ASPM: variants seen among roughly 807,000 people sequenced by gnomAD.
ASPM encodes assembly factor for spindle microtubules.
In ASPM, 256 loss-of-function variants were observed where a neutral mutation model predicts 366.4. The observed-to-expected ratio is 0.70, with a 90% CI of 0.63 to 0.77. The LOEUF is 0.77. Ranked by LOEUF, ASPM falls within the 30% of genes least tolerant of loss-of-function variation. The pLI is 0.00. For synonymous variants in ASPM, 1,414 were observed against 1,342.9 expected, an observed-to-expected ratio of 1.05 and a Z score of -1.16; for missense variants, 4,146 against 4,090.4, an observed-to-expected ratio of 1.01 and a Z score of -0.37.
At chr1:197,135,984 C>A (rs1401641562) in intron 4 of ASPM, among the ~76,000 whole-genome samples, 2 of 152,118 alleles carry the variant, frequency 1.3e-5, no homozygotes, top group Non-Finnish European at 2.9e-5. Context: ...ATGTGAGAAT[C>A]TTGAAAGCTC....
At chr1:197,127,349 G>GT in intron 10 of ASPM, among the ~76,000 whole-genome samples, 1 of 152,214 alleles carries the variant, frequency 6.6e-6, no homozygotes, top group African/African-American at 2.4e-5. Context: ...TAAAGAGTTT[G>GT]TTAAGTTTTA....
At chr1:197,088,161 T>C in intron 26 of ASPM, 95 bp downstream of exon 26, 1 of 1,378,262 alleles carries the variant, frequency 7.3e-7, no homozygotes, top group Non-Finnish European at 1.0e-6. Flanking sequence ...AAAACCCTAT[T>C]TTAGAGTGAT....
Position 197,146,206 on chromosome 1 carries a change from T to C in ASPM, c.232A>G (p.Lys78Glu). The C allele has an allele frequency of 6.2e-7, 1 of 1,613,110 alleles. No homozygotes were observed. The highest frequency in any genetic ancestry group is 8.5e-7 in the Non-Finnish European group (1 of 1,179,680). Residue 78 changes from lysine to glutamate, a missense_variant, in exon 1 of 28, where the codon AAG (lysine) becomes GAG (glutamate). Lys to Glu is a moderately conservative substitution (Grantham distance 56, BLOSUM62 1). This residue lies in a region of ASPM where 512 missense variants were observed against 471.7 expected (regional missense o/e 1.09). Coordinates refer to ENST00000367409, the MANE Select transcript of ASPM (RefSeq NM_018136.5). Reference protein sequence around the residue: ...DNPNEEVAEVKISHFPAADLG... With the variant: ...DNPNEEVAEVEISHFPAADLG... ...TCCGCGGCCGGGAAGTGGGAGATCT[T>C]CACTTCTGCCACCTCCTCGTTAGGG...
chr1:197,095,203 T>C (rs567562001), intron 19 of ASPM, among the ~76,000 whole-genome samples: 1 of 151,888 alleles, frequency 6.6e-6, no homozygotes, highest in South Asian at 2.1e-4. Context: ...CTTCTCACTG[T>C]ATTTTTGTAC....
intron 27 of ASPM, among the ~76,000 whole-genome samples, chr1:197,085,130 CAAACT>C (rs1656547562): frequency 1.3e-5 from 2 of 152,244 alleles, no homozygotes; most frequent in African/African-American, 4.8e-5. Context: ...TCTCTCCTAC[CAAACT>C]AGTCTGAAGA....
At chr1:197,114,503 G>T (rs1005361154) in intron 17 of ASPM, among the ~76,000 whole-genome samples, 9 of 152,140 alleles carry the variant, frequency 5.9e-5, no homozygotes, top group African/African-American at 2.2e-4. Context: ...TTTTAAAATT[G>T]GGGTCAATCC....
chr1:197,103,639 A>C lies in ASPM; in HGVS notation c.5612T>G (p.Phe1871Cys). 4 of 1,612,876 alleles carry C rather than the reference A, an allele frequency of 2.5e-6. 1 individual carries two copies. The South Asian group carries it at 4.4e-5, about 18-fold the overall frequency. Residue 1871 changes from phenylalanine to cysteine, a missense_variant, in exon 18 of 28, where the codon TTT becomes TGT. Phe to Cys is a radical substitution (Grantham distance 205). Transcript: ENST00000367409. ...YKTLHDTRTHFLKTKAAVISL... is the reference protein window; with the variant it reads ...YKTLHDTRTHCLKTKAAVISL... Reference sequence around the variant, plus strand: ...AATCACAGCTGCCTTTGTCTTCAAAAAATGTGTTCTTGTATCATGAAGAGT... The same window carrying C: ...AATCACAGCTGCCTTTGTCTTCAAACAATGTGTTCTTGTATCATGAAGAGT...
chr1:197,143,859 T>G (rs573543887), intron 2 of ASPM, 49 bp from the exon 3 acceptor site: 2 of 1,576,632 alleles, frequency 1.3e-6, no homozygotes, highest in Non-Finnish European at 1.7e-6. Context: ...CTATTGAATA[T>G]TAAATAAGCA....
At chr1:197,107,496 A>G (rs909641183) in intron 17 of ASPM, among the ~76,000 whole-genome samples, 2 of 152,154 alleles carry the variant, frequency 1.3e-5, no homozygotes, top group Non-Finnish European at 2.9e-5. Context: ...TGATAACATA[A>G]CATTAAATTT....
Position 197,143,947 on chromosome 1 carries a change from A to C in ASPM, c.441+10T>G, listed in dbSNP as rs587783242. Reference sequence around the variant, plus strand: ...TCTTAGAGTAAATCACAGAATGGTTAAAACATTACCTTTTTCTTTTTCTGC... The same window carrying C: ...TCTTAGAGTAAATCACAGAATGGTTCAAACATTACCTTTTTCTTTTTCTGC... On this transcript the variant is annotated intron_variant, in intron 2 of 27. Coordinates refer to ENST00000367409, the MANE Select transcript of ASPM (RefSeq NM_018136.5). 121 of 1,600,426 alleles carry C rather than the reference A, an allele frequency of 7.6e-5. No homozygotes were observed. Among genetic ancestry groups the C allele is most frequent in the Non-Finnish European group, 9.8e-5 (114 of 1,168,380 alleles).
chr1:197,145,868 A>ATATATATAT (rs1334452029), intron 1 of ASPM, among the ~76,000 whole-genome samples: 1 of 143,232 alleles, frequency 7.0e-6, no homozygotes, highest in East Asian at 2.1e-4. Flanking sequence ...ATATATATAT[A>ATATATATAT]ATATTGACAC....
chr1:197,132,754 G>GATAAATATATATATATATTTATATAT (rs1346012370), intron 6 of ASPM, among the ~76,000 whole-genome samples: 4 of 148,804 alleles, frequency 2.7e-5, no homozygotes, highest in African/African-American at 9.8e-5. Context: ...AAATATATAT[G>GATAAATATATATATATATTTATATAT]ATAAATATAT....
chr1:197,140,513 C>T (rs889184290), intron 3 of ASPM, among the ~76,000 whole-genome samples: 35 of 152,136 alleles, frequency 2.3e-4, no homozygotes, highest in African/African-American at 7.5e-4. Context: ...ACTATTATTA[C>T]CACAATGTAT....
intron 18 of ASPM, 145 bp from the exon 19 acceptor site, chr1:197,096,309 TG>T (rs752730209): frequency 2.8e-6 from 2 of 713,006 alleles, no homozygotes. Flanking sequence ...TTTTAGACTT[TG>T]ACATGTAATG....
chr1:197,104,370 T>C lies in ASPM; in HGVS notation c.4881A>G (p.Ala1627=), dbSNP rs1272479268. The change falls in exon 18 of 28, where the codon GCA becomes GCG. Residue 1627 remains alanine, a synonymous_variant. Transcript: ENST00000367409. ...CAGCAGAGCGTGTTTTCTGGTAAGA[T>C]GCTAGAACTTTCATGGCAAAAATAT... ...RAYIFAMKVL[A]SYQKTRSAVI... The C allele has an allele frequency of 1.9e-6, 3 of 1,613,146 alleles. No individual in the cohort carries two copies. Among genetic ancestry groups the C allele is most frequent in the Non-Finnish European group, 2.5e-6 (3 of 1,179,422 alleles).
chr1:197,134,906 C>T lies in ASPM; in HGVS notation c.2173+190G>A, dbSNP rs183347191. 2.3e-4 allele frequency among the ~76,000 whole-genome samples: 35 copies of T among 152,054 alleles called. 1 individual carries two copies. The highest frequency in any genetic ancestry group is 2.3e-3 in the Admixed American group (35 of 15,266). On this transcript the variant is annotated intron_variant, in intron 5 of 27. Transcript: ENST00000367409. ...AACAAAAAGTATATTTCAGTACTTTCGGTAAAGAAAATGTACATATATAAA... is the reference window on the plus strand; with the variant it reads ...AACAAAAAGTATATTTCAGTACTTTTGGTAAAGAAAATGTACATATATAAA...
At chr1:197,122,891 T>C (rs1657961561) in intron 13 of ASPM, among the ~76,000 whole-genome samples, 1 of 152,198 alleles carries the variant, frequency 6.6e-6, no homozygotes, top group Admixed American at 6.5e-5. Context: ...TGTAATTTGC[T>C]ATGGTAGTCT....
intron 17 of ASPM, among the ~76,000 whole-genome samples, chr1:197,116,787 G>A (rs1335129724): frequency 6.6e-6 from 1 of 152,042 alleles, no homozygotes; most frequent in Non-Finnish European, 1.5e-5. Context: ...CTCAAAAAAT[G>A]TAATAATATC....
At chr1:197,087,008 A>G in intron 26 of ASPM, 36 bp from the exon 27 acceptor site, 1 of 1,555,036 alleles carries the variant, frequency 6.4e-7, no homozygotes, top group Non-Finnish European at 8.7e-7. Context: ...AAAAAGTAAT[A>G]AGAATTAAAA....
Sources: allele counts gnomAD v4.1 joint callset (sites outside exome capture counted in the v4.1 genomes callset), GRCh38; gene constraint gnomAD v4.1.1; regional missense constraint gnomAD v4.1.1; transcripts MANE v1.5; gene names NCBI Gene and HGNC (gene_info 2026-07-23, HGNC 2026-07-21).